The following IKBKB variants were observed in gnomAD, a reference collection of about 807,000 sequenced individuals.
The protein encoded by IKBKB is inhibitor of nuclear factor kappa B kinase subunit beta.
IKBKB carries 42 observed loss-of-function variants against 113.6 expected under a neutral mutation model. The observed-to-expected ratio is 0.37, with a 90% CI of 0.29 to 0.48. The LOEUF is 0.48. Among genes scored for constraint, IKBKB ranks in the 20% least tolerant of loss-of-function variants. IKBKB has a pLI of 0.99. For missense variants in IKBKB, 673 were observed against 939.7 expected, an observed-to-expected ratio of 0.72 and a Z score of 3.71; for synonymous variants, 296 against 361.3, an observed-to-expected ratio of 0.82 and a Z score of 2.05.
intron 8 of IKBKB, among the ~76,000 whole-genome samples, chr8:42,313,017 G>A (rs991251357): frequency 1.1e-4 from 16 of 152,224 alleles, no homozygotes; most frequent in Non-Finnish European, 1.2e-4. Flanking sequence ...CAAATTGGGG[G>A]ACTAAAAATA....
intron 5 of IKBKB, among the ~76,000 whole-genome samples, chr8:42,301,545 T>C (rs1680244074): frequency 1.3e-5 from 2 of 152,232 alleles, no homozygotes; most frequent in Admixed American, 1.3e-4. Flanking sequence ...ATCAGAATTT[T>C]TACATTTCAG....
At chr8:42,315,290 G>C (rs1319584519) in intron 9 of IKBKB, among the ~76,000 whole-genome samples, 1 of 152,218 alleles carries the variant, frequency 6.6e-6, no homozygotes, top group Non-Finnish European at 1.5e-5. Context: ...TATTTAGAGG[G>C]TGGAAGAGAT....
chr8:42,271,782 G>C (rs1807804751), intron 1 of IKBKB: 4 of 504,554 alleles, frequency 7.9e-6, no homozygotes, highest in Non-Finnish European at 1.4e-5. Context: ...AGGCCCGGGC[G>C]CCCCTGGTGG....
chr8:42,282,501 C>T (rs1346444658), intron 2 of IKBKB, among the ~76,000 whole-genome samples: 1 of 152,172 alleles, frequency 6.6e-6, no homozygotes, highest in Admixed American at 6.5e-5. Context: ...GCCACCATGC[C>T]CAGCCACAAA....
At chr8:42,274,827 GGATTAC>G (rs1295438320) in intron 2 of IKBKB, among the ~76,000 whole-genome samples, 1 of 103,246 alleles carries the variant, frequency 9.7e-6, no homozygotes, top group East Asian at 3.2e-4. Context: ...CAAAGTGCTG[GGATTAC>G]AGGTGGGAAC....
chr8:42,285,957 G>A (rs1009615527), intron 2 of IKBKB, among the ~76,000 whole-genome samples: 3 of 152,230 alleles, frequency 2.0e-5, no homozygotes, highest in South Asian at 4.1e-4. Context: ...GAGTTTTGTT[G>A]TGGGATGGCA....
chr8:42,280,385 T>C (rs759761309), intron 2 of IKBKB, among the ~76,000 whole-genome samples: 2 of 151,946 alleles, frequency 1.3e-5, no homozygotes, highest in African/African-American at 4.8e-5. Context: ...ACCGTTTAGA[T>C]AGGCTGATAT....
intron 11 of IKBKB, chr8:42,317,167 C>T (rs145283434): frequency 1.1e-4 from 52 of 487,312 alleles, no homozygotes; most frequent in Non-Finnish European, 1.8e-4. Flanking sequence ...CTATAACACT[C>T]GAATCTCTCA....
intron 2 of IKBKB, among the ~76,000 whole-genome samples, chr8:42,284,449 A>G (rs1401591749): frequency 5.9e-5 from 9 of 151,852 alleles, no homozygotes; most frequent in African/African-American, 1.5e-4. Context: ...GGGCGTGGTG[A>G]TGGGTGCCTG....
At chr8:42,310,082 G>A (rs1379610500) in intron 8 of IKBKB, among the ~76,000 whole-genome samples, 1 of 152,132 alleles carries the variant, frequency 6.6e-6, no homozygotes, top group African/African-American at 2.4e-5. Context: ...ATCAAGAACT[G>A]GGGGCAGAAA....
At chr8:42,272,317 T>A (rs1165970201) in intron 2 of IKBKB, 112 bp downstream of exon 2, 1 of 1,447,218 alleles carries the variant, frequency 6.9e-7, no homozygotes, top group South Asian at 1.2e-5. Context: ...TTGGTCATCT[T>A]GGGACAGTGA....
chr8:42,323,712 G>A (rs1820201642), intron 19 of IKBKB, among the ~76,000 whole-genome samples: 1 of 152,202 alleles, frequency 6.6e-6, no homozygotes, highest in African/African-American at 2.4e-5. Context: ...CACTGAGCAT[G>A]CCTTGGGAGC....
intron 15 of IKBKB, 130 bp downstream of exon 15, chr8:42,319,776 T>C: frequency 1.3e-6 from 1 of 788,986 alleles, no homozygotes; most frequent in Non-Finnish European, 2.0e-6. Flanking sequence ...TGCTTTGAGC[T>C]TAACTGGACC....
In IKBKB at chr8:42,322,437, T is replaced by C. The variant is rs200587822; in HGVS notation, c.1929T>C (p.Val643=). 164 of 1,614,026 alleles carry C rather than the reference T, an allele frequency of 1.0e-4. 1 individual carries two copies. The South Asian group carries it at 1.5e-3, about 15-fold the overall frequency. Residue 643 remains valine (V), a synonymous_variant, in exon 19 of 22, where the codon GTT becomes GTC. Coordinates refer to ENST00000520810, the MANE Select transcript of IKBKB (RefSeq NM_001556.3). ...VSLMNEDEKT[V]VRLQEKRQKE... The stretch of plus-strand genomic sequence containing the variant: ...TAATGAATGAGGATGAGAAGACTGT[T>C]GTCCGGCTGCAGGAGAAGCGGCAGA...
chr8:42,326,288 A>C, intron 20 of IKBKB, 191 bp downstream of exon 20: 1 of 636,280 alleles, frequency 1.6e-6, no homozygotes, highest in Non-Finnish European at 2.7e-6. Flanking sequence ...GAAACTTACT[A>C]ACTAGTTTCT....
At position 42,290,138 on chromosome 8, in the gene IKBKB, C is replaced by A; in HGVS notation, c.201-18C>A. 2 of 1,581,536 alleles carry A rather than the reference C, an allele frequency of 1.3e-6. No homozygotes were observed. Among genetic ancestry groups the A allele is most frequent in the Non-Finnish European group, 1.7e-6 (2 of 1,150,960 alleles). On this transcript the variant is annotated intron_variant, in intron 3 of 21. Coordinates refer to ENST00000520810, the MANE Select transcript of IKBKB (RefSeq NM_001556.3). Reference sequence around the variant, plus strand: ...GGCAGGAGCCTGGGTCTGCTCTCATCGGTTTTCCTCCTCCTAGGCTGACCC... The same window carrying A: ...GGCAGGAGCCTGGGTCTGCTCTCATAGGTTTTCCTCCTCCTAGGCTGACCC...
chr8:42,324,175 G>A (rs1585808780), intron 19 of IKBKB, among the ~76,000 whole-genome samples: 1 of 152,220 alleles, frequency 6.6e-6, no homozygotes, highest in African/African-American at 2.4e-5. Flanking sequence ...AGTGTGTTCT[G>A]AGTGGGGACA....
chr8:42,290,027 G>T lies in IKBKB; in HGVS notation c.201-129G>T, dbSNP rs1048090179. ...GGCATTGCGGTTGGCCACCCGTCCT[G>T]GGCTCTGTCTTCCTCTGTTTCAAAG... is the stretch of plus-strand genomic sequence containing the variant. On this transcript the variant is annotated intron_variant, in intron 3 of 21. Transcript: ENST00000520810. The T allele has an allele frequency of 1.4e-4, 96 of 668,952 alleles. 1 individual carries two copies. The East Asian group carries it at 2.5e-3, about 18-fold the overall frequency. 41.4% of individuals were successfully genotyped at this position (668,952 alleles called of 1,614,324 possible).
intron 2 of IKBKB, among the ~76,000 whole-genome samples, chr8:42,283,969 G>A (rs972524395): frequency 6.6e-6 from 1 of 152,164 alleles, no homozygotes; most frequent in Non-Finnish European, 1.5e-5. Flanking sequence ...GGCACCTCAC[G>A]CTGCAGCGGG....
Sources: allele counts gnomAD v4.1 joint callset (sites outside exome capture counted in the v4.1 genomes callset), GRCh38; gene constraint gnomAD v4.1.1; transcripts MANE v1.5; gene names NCBI Gene and HGNC (gene_info 2026-07-23, HGNC 2026-07-21).